The following APP variants were observed in gnomAD, a reference collection of about 807,000 sequenced individuals.
APP encodes the protein amyloid beta precursor protein.
Under a neutral mutation model 101.4 loss-of-function variants are expected in APP, and 31 were observed. That is an observed-to-expected ratio of 0.31 (90% CI 0.23 to 0.41). APP has a LOEUF of 0.41. APP is among the 10% of genes least tolerant of loss of function. The probability of loss-of-function intolerance (pLI) is 1.00; values close to 1 mark genes in which losing one functional copy is unlikely to be tolerated. For missense variants in APP, 839 were observed against 1,003.7 expected (o/e 0.84, Z 2.22); for synonymous variants, 366 against 364.4 (o/e 1.00, Z -0.05).
At chr21:26,111,111 C>CAAAAAAAAAAAAAAAAAAAA (rs2062311255) in intron 2 of APP, among the ~76,000 whole-genome samples, 4 of 101,788 alleles carry the variant, frequency 3.9e-5, no homozygotes, top group African/African-American at 1.2e-4. Context: ...AAAAAAAAAG[C>CAAAAAAAAAAAAAAAAAAAA]AAAGTGCAGA....
intron 14 of APP, among the ~76,000 whole-genome samples, chr21:25,908,618 A>C (rs983514528): frequency 1.6e-4 from 25 of 151,960 alleles, no homozygotes; most frequent in African/African-American, 6.0e-4. Context: ...TTTTAAGGAT[A>C]CATTGTTGAG....
At chr21:26,166,963 T>G (rs889212930) in intron 1 of APP, among the ~76,000 whole-genome samples, 1 of 152,080 alleles carries the variant, frequency 6.6e-6, no homozygotes, top group African/African-American at 2.4e-5. Flanking sequence ...TCTGTCTGTC[T>G]GTCTGGTAGA....
Position 26,136,189 on chromosome 21 carries a change from G to GA in APP, c.58-24044dup, listed in dbSNP as rs2062908053. Among the ~76,000 whole-genome samples, 15 of 81,642 alleles carry GA rather than the reference G, an allele frequency of 1.8e-4. 1 individual carries two copies. Among genetic ancestry groups the GA allele is most frequent in the African/African-American group, 1.7e-3 (15 of 8,860 alleles). The allele number at this position is 81,642 out of a possible 152,430, so 53.6% of individuals were successfully genotyped here. ...GAAAGAAAAGAAAGAAAGAAAGAAA[G>GA]AAAGAAAGAAAGAAAAGAAAAGAAA... On this transcript the variant is annotated intron_variant, in intron 1 of 17. Transcript: ENST00000346798.
intron 5 of APP, among the ~76,000 whole-genome samples, chr21:26,032,126 G>GT (rs1299455763): frequency 6.6e-6 from 1 of 152,094 alleles, no homozygotes; most frequent in Non-Finnish European, 1.5e-5. Flanking sequence ...TTCTGGAGAG[G>GT]TAAGACTTTT....
chr21:25,998,818 G>C (rs2043158704), intron 7 of APP, among the ~76,000 whole-genome samples: 2 of 148,728 alleles, frequency 1.3e-5, no homozygotes, highest in Non-Finnish European at 3.0e-5. Context: ...AAATAAATAA[G>C]CACAATTGGG....
chr21:25,888,586 G>A (rs1361398859), intron 17 of APP, among the ~76,000 whole-genome samples: 1 of 152,182 alleles, frequency 6.6e-6, no homozygotes, highest in African/African-American at 2.4e-5. Flanking sequence ...CCCTCATCTA[G>A]AAAGGCTTCC....
intron 13 of APP, among the ~76,000 whole-genome samples, chr21:25,930,511 A>G (rs1178883794): frequency 6.6e-6 from 1 of 152,178 alleles, no homozygotes; most frequent in Non-Finnish European, 1.5e-5. Flanking sequence ...ATACATAGTG[A>G]ATTTCATTCA....
rs1647079727 is a variant in APP at position 25,908,300 on chromosome 21, G to A, written c.1910-3223C>T. On this transcript the variant is annotated intron_variant, in intron 14 of 17. Coordinates refer to ENST00000346798, the MANE Select transcript of APP (RefSeq NM_000484.4). Reference sequence around the variant, plus strand: ...ACAGCACATTGGAAAACTCTGATATGCTTATTTTCTTCAATGTAAATTTAA... The same window carrying A: ...ACAGCACATTGGAAAACTCTGATATACTTATTTTCTTCAATGTAAATTTAA... Among the ~76,000 whole-genome samples the A allele has an allele frequency of 2.0e-5, 3 of 152,178 alleles. No homozygotes were observed. In the South Asian group the frequency reaches 6.2e-4, roughly 32 times the overall value.
intron 6 of APP, among the ~76,000 whole-genome samples, chr21:26,011,339 G>A (rs563713481): frequency 6.6e-6 from 1 of 152,098 alleles, no homozygotes; most frequent in Admixed American, 6.5e-5. Flanking sequence ...GCCTCCCAAA[G>A]TGCTGGGGTT....
At chr21:26,128,767 C>A (rs2062733194) in intron 1 of APP, among the ~76,000 whole-genome samples, 1 of 151,398 alleles carries the variant, frequency 6.6e-6, no homozygotes, top group Non-Finnish European at 1.5e-5. Context: ...TTTTTTAAAA[C>A]CAAGGTTTCC....
In APP at chr21:25,995,944, G is replaced by GTT. The variant is rs147826650; in HGVS notation, c.1090+1414_1090+1415dup. Among the ~76,000 whole-genome samples, 244 of 145,182 alleles carry GTT rather than the reference G, an allele frequency of 1.7e-3. 2 individuals are homozygous for GTT. The highest frequency in any genetic ancestry group is 1.4e-3 in the East Asian group (7 of 5,038). ...TGGCTTCATCAGTTTTGAGATGAGG[G>GTT]TTTTTTTTTTTCAGGATAATGTACA... On this transcript the variant is annotated intron_variant, in intron 8 of 17. Coordinates refer to ENST00000346798, the MANE Select transcript of APP (RefSeq NM_000484.4).
intron 13 of APP, among the ~76,000 whole-genome samples, chr21:25,949,981 T>C (rs2040992295): frequency 6.6e-6 from 1 of 152,194 alleles, no homozygotes; most frequent in Non-Finnish European, 1.5e-5. Context: ...TCACTGAATT[T>C]CCGAGTATCT....
intron 13 of APP, among the ~76,000 whole-genome samples, chr21:25,929,778 C>G (rs577037259): frequency 6.6e-6 from 1 of 152,300 alleles, no homozygotes; most frequent in South Asian, 2.1e-4. Flanking sequence ...CATGCTCTTG[C>G]ACGCATTTTT....
At chr21:26,142,623 G>T (rs1187508000) in intron 1 of APP, among the ~76,000 whole-genome samples, 1 of 152,084 alleles carries the variant, frequency 6.6e-6, no homozygotes, top group African/African-American at 2.4e-5. Context: ...CTTTAAAACT[G>T]CTGGGCCTGG....
At chr21:26,059,551 C>T (rs146444617) in intron 3 of APP, among the ~76,000 whole-genome samples, 234 of 152,222 alleles carry the variant, frequency 1.5e-3, no homozygotes, top group African/African-American at 5.2e-3. Flanking sequence ...CTTCTCTCAC[C>T]GTCCTCAGAA....
At chr21:26,124,200 T>A (rs559355404) in intron 1 of APP, among the ~76,000 whole-genome samples, 1 of 152,142 alleles carries the variant, frequency 6.6e-6, no homozygotes, top group Non-Finnish European at 1.5e-5. Context: ...TGTGGAACAA[T>A]ACAAAATAAA....
chr21:26,152,313 C>A, intron 1 of APP, among the ~76,000 whole-genome samples: 1 of 115,452 alleles, frequency 8.7e-6, no homozygotes, highest in South Asian at 2.8e-4. Flanking sequence ...AAAAATGGGC[C>A]AAGGATCTGA....
At chr21:26,130,239 T>A (rs1268342858) in intron 1 of APP, among the ~76,000 whole-genome samples, 1 of 152,270 alleles carries the variant, frequency 6.6e-6, no homozygotes, top group Non-Finnish European at 1.5e-5. Flanking sequence ...CATGTACTGC[T>A]TTTTTAAAAA....
intron 1 of APP, among the ~76,000 whole-genome samples, chr21:26,167,575 G>A (rs948516761): frequency 8.0e-4 from 122 of 152,266 alleles, no homozygotes; most frequent in African/African-American, 2.8e-3. Context: ...GAAGACTCTA[G>A]TATGCAAAAA....
Sources: allele counts gnomAD v4.1 joint callset (sites outside exome capture counted in the v4.1 genomes callset), GRCh38; gene constraint gnomAD v4.1.1; transcripts MANE v1.5; gene names NCBI Gene and HGNC (gene_info 2026-07-23, HGNC 2026-07-21).